Variants in RETSAT observed in about 807,000 individuals in gnomAD.
RETSAT encodes the protein all-trans-retinol 13,14-reductase.
In RETSAT, 35 loss-of-function variants were observed where a neutral mutation model predicts 61.6. That is an observed-to-expected ratio of 0.57 (90% CI 0.43 to 0.75). The LOEUF is 0.75. Among genes scored for constraint, RETSAT ranks in the 30% least tolerant of loss-of-function variants. The pLI is 0.00. For missense variants in RETSAT, 670 were observed against 759.5 expected, an observed-to-expected ratio of 0.88 and a Z score of 1.38; for synonymous variants, 277 against 310.4, an observed-to-expected ratio of 0.89 and a Z score of 1.13.
chr2:85,344,428 C>T, intron 7 of RETSAT, 80 bp from the exon 8 acceptor site: 3 of 1,542,200 alleles, frequency 1.9e-6, no homozygotes, highest in South Asian at 1.1e-5. Context: ...CTGCTTATCC[C>T]TAGGGACTCC....
At position 85,353,728 on chromosome 2, in the gene RETSAT, A is replaced by T. The variant is rs17026277; in HGVS notation, c.172+608T>A. Among the ~76,000 whole-genome samples, 649 of 152,336 alleles carry T rather than the reference A, an allele frequency of 4.3e-3. 13 individuals carry two copies. In the East Asian group the frequency reaches 0.062, roughly 15 times the overall value. On this transcript the variant is annotated intron_variant, in intron 1 of 10. Coordinates refer to ENST00000295802, the MANE Select transcript of RETSAT (RefSeq NM_017750.4). ...GTGAGAGGGACTCCGTAGATCAAAC[A>T]GGTGATCCATTATTTTTTAAAGCAG...
At position 85,354,183 on chromosome 2, in the gene RETSAT, G is replaced by A. The variant is rs112642275; in HGVS notation, c.172+153C>T. ...TATCGACAGTGTTGCACACTAAAGC[G>A]GGGCTCCTCCACGTGCAAGGAAGCC... On this transcript the variant is annotated intron_variant, in intron 1 of 10. Coordinates refer to ENST00000295802, the MANE Select transcript of RETSAT (RefSeq NM_017750.4). Among the ~76,000 whole-genome samples the A allele has an allele frequency of 4.1e-3, 625 of 152,352 alleles. 1 individual carries two copies. The highest frequency in any genetic ancestry group is 6.5e-3 in the Non-Finnish European group (440 of 68,036).
chr2:85,344,369 G>A, intron 7 of RETSAT, 21 bp from the exon 8 acceptor site: 1 of 1,610,982 alleles, frequency 6.2e-7, no homozygotes, highest in Non-Finnish European at 8.5e-7. Flanking sequence ...CAAGAGTGTG[G>A]TGGGATCTCC....
chr2:85,345,408 G>A (rs1683178678), intron 6 of RETSAT: 1 of 201,700 alleles, frequency 5.0e-6, no homozygotes, highest in Admixed American at 5.4e-5. Flanking sequence ...CTGCTCTCTA[G>A]CTCCTGCACC....
At chr2:85,353,374 C>T (rs936769209) in intron 1 of RETSAT, among the ~76,000 whole-genome samples, 9 of 152,232 alleles carry the variant, frequency 5.9e-5, no homozygotes, top group Non-Finnish European at 1.2e-4. Context: ...GCGGAAGTTG[C>T]GGTGAGCGGA....
At chr2:85,351,631 C>G (rs1207198439) in intron 2 of RETSAT, 49 bp downstream of exon 2, 2 of 1,567,550 alleles carry the variant, frequency 1.3e-6, no homozygotes, top group South Asian at 2.3e-5. Flanking sequence ...TGCTCCAAGC[C>G]TCTTCAACAT....
At position 85,354,476 on chromosome 2, in the gene RETSAT, A is replaced by ACAGC; in HGVS notation, c.28_31dup (p.Val11GlyfsTer38). On this transcript the variant is annotated frameshift_variant, in exon 1 of 11. Coordinates refer to ENST00000295802, the MANE Select transcript of RETSAT (RefSeq NM_017750.4). LOFTEE classifies it high-confidence loss of function. ...TTTGCAGAGGACGGCCAGCAGCAGCACAGCCAGGAGCAGCACCAGCGGAAG... is the reference window on the plus strand; with the variant it reads ...TTTGCAGAGGACGGCCAGCAGCAGCACAGCCAGCCAGGAGCAGCACCAGCGGAAG... 6.2e-7 allele frequency: 1 copy of ACAGC among 1,613,758 alleles called. No individual in the cohort carries two copies. The highest frequency in any genetic ancestry group is 8.5e-7 in the Non-Finnish European group (1 of 1,179,826).
intron 5 of RETSAT, among the ~76,000 whole-genome samples, chr2:85,347,952 G>T (rs1325693168): frequency 6.6e-6 from 1 of 152,056 alleles, no homozygotes; most frequent in African/African-American, 2.4e-5. Flanking sequence ...TCCTTGAAAG[G>T]TTCCTCTGAT....
At chr2:85,348,256 T>C (rs1683234206) in intron 5 of RETSAT, among the ~76,000 whole-genome samples, 2 of 152,172 alleles carry the variant, frequency 1.3e-5, no homozygotes, top group African/African-American at 2.4e-5. Context: ...TTCATTCTAT[T>C]GGCCACTGAA....
rs1292773061 is a variant in RETSAT, at chr2:85,342,523, T to G, written c.*719A>C. On this transcript the variant is annotated 3_prime_UTR_variant, in exon 11 of 11. Transcript: ENST00000295802. Reference sequence around the variant, plus strand: ...CAGGTACTGAGTCCCTGCTGGCACATTGAGAACCAGCTGCCACCCCGATGA... The same window carrying G: ...CAGGTACTGAGTCCCTGCTGGCACAGTGAGAACCAGCTGCCACCCCGATGA... 6.6e-6 allele frequency: 1 copy of G among 152,474 alleles called. No homozygotes were observed. The highest frequency in any genetic ancestry group is 1.5e-5 in the Non-Finnish European group (1 of 68,280). The allele number at this position is 152,474 out of a possible 1,614,324, so 9.4% of individuals were successfully genotyped here. A position where few individuals can be genotyped will look rare whatever the true frequency, so the allele number is the denominator to read the frequency against.
intron 10 of RETSAT, 57 bp from the exon 11 acceptor site, chr2:85,343,438 T>G: frequency 6.3e-7 from 1 of 1,582,194 alleles, no homozygotes; most frequent in South Asian, 1.1e-5. Flanking sequence ...CAGGGGAGGG[T>G]GGGGCCTTGG....
In RETSAT at chr2:85,344,098, C is replaced by A. The variant is rs1365371850; in HGVS notation, c.1434G>T (p.Leu478=). 1.9e-5 allele frequency: 30 copies of A among 1,614,108 alleles called. No homozygotes were observed. Among genetic ancestry groups the A allele is most frequent in the Non-Finnish European group, 2.5e-5 (30 of 1,179,990 alleles). ...CATAGTCACTGCCCCGCTTTCCCTT[C>A]AGCTCCGCCTGCCACTCCTCAAACC... is the stretch of plus-strand genomic sequence containing the variant. ...YEWFEEWQAE[L]KGKRGSDYET... The change falls in exon 9 of 11, where the codon CTG becomes CTT. Residue 478 remains leucine (L), a synonymous_variant. Transcript: ENST00000295802.
In RETSAT at chr2:85,341,986, A is replaced by T. The variant is rs771240783; in HGVS notation, c.*1256T>A. The stretch of plus-strand genomic sequence containing the variant: ...TATAATTACTTAATTTTATTTTTTT[A>T]AAGCTTATTTTGGTGTTATTCAGTA... On this transcript the variant is annotated 3_prime_UTR_variant, in exon 11 of 11. Coordinates refer to ENST00000295802, the MANE Select transcript of RETSAT (RefSeq NM_017750.4). 21 of 595,672 alleles carry T rather than the reference A, an allele frequency of 3.5e-5. No homozygotes were observed. The highest frequency in any genetic ancestry group is 6.1e-5 in the Non-Finnish European group (21 of 343,590). The allele number at this position is 595,672 out of a possible 1,614,324, so 36.9% of individuals were successfully genotyped here. A position where few individuals can be genotyped will look rare whatever the true frequency, so the allele number is the denominator to read the frequency against.
In RETSAT at chr2:85,350,194, T is replaced by C; in HGVS notation, c.645A>G (p.Pro215=). The change falls in exon 4 of 11, where the codon CCA becomes CCG. Residue 215 remains proline (P), a synonymous_variant. Transcript: ENST00000295802. ...APHAILLKFL[P]LPVVQLLDRC... Reference sequence around the variant, plus strand: ...TGTCGAGGAGCTGAACCACGGGCAATGGGAGGAATTTCAACAGGATGGCAT... The same window carrying C: ...TGTCGAGGAGCTGAACCACGGGCAACGGGAGGAATTTCAACAGGATGGCAT... 2 of 1,613,548 alleles carry C rather than the reference T, an allele frequency of 1.2e-6. No homozygotes were observed. The highest frequency in any genetic ancestry group is 8.5e-7 in the Non-Finnish European group (1 of 1,179,880).
Position 85,350,188 on chromosome 2 carries a change from G to A in RETSAT, c.651C>T (p.Pro217=), listed in dbSNP as rs1442640376. 12 of 1,613,810 alleles carry A rather than the reference G, an allele frequency of 7.4e-6. No individual in the cohort carries two copies. Among genetic ancestry groups the A allele is most frequent in the African/African-American group, 2.7e-5 (2 of 74,874 alleles). The change falls in exon 4 of 11, where the codon CCC becomes CCT. Residue 217 remains proline (P), a synonymous_variant. Coordinates refer to ENST00000295802, the MANE Select transcript of RETSAT (RefSeq NM_017750.4). ...CACACCTGTCGAGGAGCTGAACCACGGGCAATGGGAGGAATTTCAACAGGA... is the reference window on the plus strand; with the variant it reads ...CACACCTGTCGAGGAGCTGAACCACAGGCAATGGGAGGAATTTCAACAGGA... ...HAILLKFLPL[P]VVQLLDRCGL...
At chr2:85,344,826 C>G (rs1364392313) in intron 6 of RETSAT, 94 bp from the exon 7 acceptor site, 3 of 1,418,554 alleles carry the variant, frequency 2.1e-6, no homozygotes, top group Non-Finnish European at 2.9e-6. Flanking sequence ...GCTCTGGCAC[C>G]TGCCTGAGGC....
chr2:85,350,803 C>T lies in RETSAT; in HGVS notation c.574G>A (p.Asp192Asn). The T allele has an allele frequency of 6.2e-7, 1 of 1,614,190 alleles. No individual in the cohort carries two copies. The highest frequency in any genetic ancestry group is 2.2e-5 in the East Asian group (1 of 44,896). Residue 192 changes from aspartate (D) to asparagine (N), a missense_variant, in exon 3 of 11, where the codon GAC (aspartate) becomes AAC (asparagine). Physicochemically the swap from Asp to Asn is conservative, Grantham distance 23. Coordinates refer to ENST00000295802, the MANE Select transcript of RETSAT (RefSeq NM_017750.4). ...EKFPQEEAII[D>N]KYIKLVKVVS... The stretch of plus-strand genomic sequence containing the variant: ...ACCTTAACCAGCTTTATATACTTGT[C>T]AATGATAGCTTCCTCCTGTGGAAAC...
chr2:85,351,284 G>C, intron 2 of RETSAT: 1 of 499,854 alleles, frequency 2.0e-6, no homozygotes, highest in South Asian at 2.3e-5. Flanking sequence ...CCAACACTTT[G>C]GGAGGCAGAG....
chr2:85,343,308 C>A lies in RETSAT; in HGVS notation c.1767G>T (p.Lys589Asn). The change falls in exon 11 of 11, where the codon AAG becomes AAT. Residue 589 changes from lysine to asparagine, a missense_variant. Physicochemically the swap from Lys to Asn is moderately conservative, Grantham distance 94 (BLOSUM62 0). Transcript: ENST00000295802. ...GALLCSSAIL[K>N]RNLYSDLKNL... Reference sequence around the variant, plus strand: ...TCTTAAGGTCTGAGTACAAGTTCCGCTTCAGGATGGCGCTGCTGCACAGCA... The same window carrying A: ...TCTTAAGGTCTGAGTACAAGTTCCGATTCAGGATGGCGCTGCTGCACAGCA... 6.2e-7 allele frequency: 1 copy of A among 1,614,294 alleles called. No homozygotes were observed.
Sources: allele counts gnomAD v4.1 joint callset (sites outside exome capture counted in the v4.1 genomes callset), GRCh38; gene constraint gnomAD v4.1.1; transcripts MANE v1.5; gene names NCBI Gene and HGNC (gene_info 2026-07-23, HGNC 2026-07-21).